AGAP6: variants seen among roughly 807,000 people sequenced by gnomAD.
The protein encoded by AGAP6 is ArfGAP with GTPase domain, ankyrin repeat and PH domain 6.
In AGAP6, 29 loss-of-function variants were observed where a neutral mutation model predicts 63.9. The observed-to-expected ratio is 0.45, with a 90% CI of 0.34 to 0.62. AGAP6 has a LOEUF of 0.62. Among genes scored for constraint, AGAP6 ranks in the 20% least tolerant of loss-of-function variants. The pLI is 0.01. For synonymous variants in AGAP6, 199 were observed against 332.9 expected (o/e 0.60, Z 4.38); for missense variants, 493 against 884.9 (o/e 0.56, Z 5.62).
chr10:49,991,617 G>A (rs1369643016), intron 2 of AGAP6, 59 bp from the exon 3 acceptor site: 4 of 1,590,990 alleles, frequency 2.5e-6, no homozygotes, highest in Non-Finnish European at 3.4e-6. Flanking sequence ...GAATAAACGA[G>A]TTGATAAATT....
intron 2 of AGAP6, among the ~76,000 whole-genome samples, chr10:49,990,174 C>CA (rs1172188677): frequency 1.3e-5 from 2 of 152,164 alleles, no homozygotes; most frequent in Non-Finnish European, 2.9e-5. Flanking sequence ...CTTGGTGGCT[C>CA]ACGCCTGTAA....
Position 50,009,274 on chromosome 10 carries a change from C to T in AGAP6, c.1149C>T (p.Ser383=), listed in dbSNP as rs782574361. Residue 383 remains serine (S), a synonymous_variant, in exon 8 of 8, where the codon AGC becomes AGT. Transcript: ENST00000412531. ...DSICFSPSIS[S]TTSPKLNPPP... is the part of the protein sequence containing the mutation. ...TATGCTTCAGCCCCAGTATCTCCAGCACCACCAGCCCCAAGCTCAACCCGC... is the reference window on the plus strand; with the variant it reads ...TATGCTTCAGCCCCAGTATCTCCAGTACCACCAGCCCCAAGCTCAACCCGC... 5.0e-6 allele frequency: 8 copies of T among 1,614,190 alleles called. No individual in the cohort carries two copies. The South Asian group carries it at 8.8e-5, about 18-fold the overall frequency.
At chr10:50,002,224 A>T in intron 5 of AGAP6, 128 bp downstream of exon 5, 1 of 826,212 alleles carries the variant, frequency 1.2e-6, no homozygotes, top group Non-Finnish European at 1.7e-6. Context: ...CAGATTCTGA[A>T]TATTAAGTAT....
intron 7 of AGAP6, among the ~76,000 whole-genome samples, chr10:50,008,314 T>C (rs1208102911): frequency 6.7e-6 from 1 of 149,478 alleles, no homozygotes; most frequent in Admixed American, 6.6e-5. Flanking sequence ...TTTTTTTTTT[T>C]TTTTTATGGA....
chr10:49,997,158 C>T lies in AGAP6; in HGVS notation c.396+2729C>T, dbSNP rs562598747. On this transcript the variant is annotated intron_variant, in intron 4 of 7. Coordinates refer to ENST00000412531, the MANE Select transcript of AGAP6 (RefSeq NM_001077665.3). ...ATAATAAGCATATTACACTTTTCTC[C>T]TAAGGCCTTGTTTAATATTTTCATT... is the stretch of plus-strand genomic sequence containing the variant. 2.0e-5 allele frequency among the ~76,000 whole-genome samples: 3 copies of T among 149,194 alleles called. No homozygotes were observed. In the South Asian group the frequency reaches 6.6e-4, roughly 33 times the overall value.
intron 6 of AGAP6, among the ~76,000 whole-genome samples, chr10:50,005,924 A>G (rs1589104418): frequency 7.2e-6 from 1 of 138,960 alleles, no homozygotes; most frequent in East Asian, 1.9e-4. Context: ...TGTCTCAAAA[A>G]AAGAAAAAAG....
chr10:49,990,800 G>A (rs1841242805), intron 2 of AGAP6, among the ~76,000 whole-genome samples: 1 of 152,198 alleles, frequency 6.6e-6, no homozygotes, highest in Admixed American at 6.5e-5. Context: ...GACTCATTAT[G>A]AGTGTGACTT....
rs1554865569 is a variant in AGAP6, at chr10:50,010,030, G to C, written c.1905G>C (p.Gly635=). ...CTALHLACRK[G]NVVLAQLLIW... ...CGCTCCATCTGGCCTGCCGCAAGGGGAATGTGGTCCTGGCGCAGCTCCTGA... is the reference window on the plus strand; with the variant it reads ...CGCTCCATCTGGCCTGCCGCAAGGGCAATGTGGTCCTGGCGCAGCTCCTGA... The change falls in exon 8 of 8, where the codon GGG becomes GGC. Residue 635 remains glycine, a synonymous_variant. Coordinates refer to ENST00000412531, the MANE Select transcript of AGAP6 (RefSeq NM_001077665.3). The C allele has an allele frequency of 6.2e-7, 1 of 1,611,206 alleles. No individual in the cohort carries two copies. Among genetic ancestry groups the C allele is most frequent in the East Asian group, 2.2e-5 (1 of 44,846 alleles).
intron 6 of AGAP6, among the ~76,000 whole-genome samples, chr10:50,006,770 A>T (rs1841926248): frequency 6.6e-6 from 1 of 152,066 alleles, no homozygotes; most frequent in Admixed American, 6.5e-5. Flanking sequence ...AAAACAAAAA[A>T]AAAAGCGCTT....
Position 49,988,750 on chromosome 10 carries a change from G to A in AGAP6, c.35G>A (p.Ser12Asn), listed in dbSNP as rs372576093. Residue 12 changes from serine to asparagine, a missense_variant, in exon 1 of 8, where the codon AGC becomes AAC. This residue lies in a region of AGAP6 where 342 missense variants were observed against 533.4 expected (regional missense o/e 0.64). Transcript: ENST00000412531. ...GNILTCRVHP[S>N]VSLEFDQQQG... The stretch of plus-strand genomic sequence containing the variant: ...ATACTGACCTGTCGTGTGCACCCTA[G>A]CGTCAGCCTCGAGTTTGACCAGCAG... 390 of 1,591,716 alleles carry A rather than the reference G, an allele frequency of 2.5e-4. 2 individuals are homozygous for A. The East Asian group carries it at 6.9e-3, about 28-fold the overall frequency.
At chr10:49,992,684 T>C (rs1462535175) in intron 3 of AGAP6, among the ~76,000 whole-genome samples, 2 of 151,706 alleles carry the variant, frequency 1.3e-5, no homozygotes, top group Non-Finnish European at 2.9e-5. Flanking sequence ...CTTATAATCA[T>C]GATAAAAGGC....
chr10:49,999,326 G>A lies in AGAP6; in HGVS notation c.397-2670G>A, dbSNP rs1469716449. 1.6e-4 allele frequency among the ~76,000 whole-genome samples: 21 copies of A among 134,464 alleles called. 3 individuals carry two copies. Among genetic ancestry groups the A allele is most frequent in the Middle Eastern group, 3.8e-3 (1 of 264 alleles). 88.2% of individuals were successfully genotyped at this position (134,464 alleles called of 152,430 possible). ...GATTAACATACACAAGTCAATAAATGTGATACACCACATAAACAGAATTAA... is the reference window on the plus strand; with the variant it reads ...GATTAACATACACAAGTCAATAAATATGATACACCACATAAACAGAATTAA... On this transcript the variant is annotated intron_variant, in intron 4 of 7. Coordinates refer to ENST00000412531, the MANE Select transcript of AGAP6 (RefSeq NM_001077665.3).
chr10:49,994,729 G>T (rs530061504), intron 4 of AGAP6, among the ~76,000 whole-genome samples: 4 of 152,098 alleles, frequency 2.6e-5, no homozygotes. Context: ...TTAGGAGGCC[G>T]AGGCAGGCTG....
chr10:50,009,302 C>T lies in AGAP6; in HGVS notation c.1177C>T (p.Pro393Ser), dbSNP rs559895140. 91 of 1,614,168 alleles carry T rather than the reference C, an allele frequency of 5.6e-5. No individual in the cohort carries two copies. The East Asian group carries it at 2.0e-3, about 35-fold the overall frequency. The stretch of plus-strand genomic sequence containing the variant: ...CACCAGCCCCAAGCTCAACCCGCCC[C>T]CCTCTCCTCATGCTAATAAAAAGAA... ...STTSPKLNPP[P>S]SPHANKKKHL... The change falls in exon 8 of 8, where the codon CCC becomes TCC. Residue 393 changes from proline to serine, a missense_variant. Transcript: ENST00000412531.
intron 4 of AGAP6, among the ~76,000 whole-genome samples, chr10:49,996,740 CTT>C (rs541201709): frequency 1.6e-5 from 2 of 126,988 alleles, no homozygotes; most frequent in Non-Finnish European, 3.4e-5. Context: ...ACCTTGCTGG[CTT>C]TTTTTTTTTT....
At chr10:49,995,894 G>A (rs537714471) in intron 4 of AGAP6, among the ~76,000 whole-genome samples, 14 of 152,268 alleles carry the variant, frequency 9.2e-5, no homozygotes, top group African/African-American at 1.9e-4. Context: ...TGTGTGATAC[G>A]TTATTTACAA....
Position 49,990,939 on chromosome 10 carries a change from T to C in AGAP6, c.293-737T>C, listed in dbSNP as rs200088413. 7.5e-3 allele frequency among the ~76,000 whole-genome samples: 1,133 copies of C among 152,014 alleles called. 38 individuals carry two copies. The highest frequency in any genetic ancestry group is 0.052 in the Admixed American group (787 of 15,270). ...GCATGTAAGTACTTGTGTAAACTTATACTCTGCTTGGTGATGTTCGGAAAG... is the reference window on the plus strand; with the variant it reads ...GCATGTAAGTACTTGTGTAAACTTACACTCTGCTTGGTGATGTTCGGAAAG... On this transcript the variant is annotated intron_variant, in intron 2 of 7. Transcript: ENST00000412531.
intron 2 of AGAP6, 137 bp from the exon 3 acceptor site, chr10:49,991,539 G>C: frequency 8.2e-7 from 1 of 1,225,800 alleles, no homozygotes; most frequent in African/African-American, 1.5e-5. Context: ...TCTATCTTAT[G>C]TCTATACATT....
Position 49,988,749 on chromosome 10 carries a change from A to C in AGAP6, c.34A>C (p.Ser12Arg), listed in dbSNP as rs572847692. 6.3e-7 allele frequency: 1 copy of C among 1,591,936 alleles called. No individual in the cohort carries two copies. The highest frequency in any genetic ancestry group is 8.5e-7 in the Non-Finnish European group (1 of 1,176,322). Reference sequence around the variant, plus strand: ...CATACTGACCTGTCGTGTGCACCCTAGCGTCAGCCTCGAGTTTGACCAGCA... The same window carrying C: ...CATACTGACCTGTCGTGTGCACCCTCGCGTCAGCCTCGAGTTTGACCAGCA... ...GNILTCRVHP[S>R]VSLEFDQQQG... Residue 12 changes from serine (S) to arginine (R), a missense_variant, in exon 1 of 8, where the codon AGC becomes CGC. Ser to Arg is a moderately radical substitution (Grantham distance 110, BLOSUM62 -1). Transcript: ENST00000412531.
Sources: allele counts gnomAD v4.1 joint callset (sites outside exome capture counted in the v4.1 genomes callset), GRCh38; gene constraint gnomAD v4.1.1; regional missense constraint gnomAD v4.1.1; transcripts MANE v1.5; gene names NCBI Gene and HGNC (gene_info 2026-07-23, HGNC 2026-07-21).